Variants in KIF1B observed in about 807,000 individuals in gnomAD.
KIF1B encodes the protein kinesin family member 1B.
KIF1B carries 76 observed loss-of-function variants against 241.9 expected under a neutral mutation model. That is an observed-to-expected ratio of 0.31 (90% CI 0.26 to 0.38). The LOEUF (loss-of-function observed/expected upper bound fraction) is 0.38, where lower values mean the gene tolerates loss of function less well. KIF1B is among the 10% of genes least tolerant of loss of function. KIF1B has a pLI of 1.00. For missense variants in KIF1B, 1,622 were observed against 2,271.4 expected (o/e 0.71, Z 5.81); for synonymous variants, 750 against 796.7 (o/e 0.94, Z 0.99).
chr1:10,347,878 T>G (rs1265422026), intron 36 of KIF1B, 51 bp downstream of exon 36: 1 of 1,403,276 alleles, frequency 7.1e-7, no homozygotes, highest in South Asian at 1.2e-5. Flanking sequence ...GAAAAGAATT[T>G]AGAATAAGAG....
chr1:10,325,601 A>G (rs1651695175), intron 26 of KIF1B, among the ~76,000 whole-genome samples: 1 of 152,130 alleles, frequency 6.6e-6, no homozygotes, highest in African/African-American at 2.4e-5. Flanking sequence ...AATCTTTTCC[A>G]CTCTGCTCTG....
intron 37 of KIF1B, among the ~76,000 whole-genome samples, chr1:10,349,983 A>G (rs1037768436): frequency 2.0e-5 from 3 of 152,228 alleles, no homozygotes; most frequent in African/African-American, 7.2e-5. Context: ...ATTTCCAAGT[A>G]GTGATCAATG....
At chr1:10,224,694 G>T (rs1646888686) in intron 1 of KIF1B, among the ~76,000 whole-genome samples, 1 of 152,128 alleles carries the variant, frequency 6.6e-6, no homozygotes, top group Non-Finnish European at 1.5e-5. Context: ...AAAGTGTTGG[G>T]ATTATAGGCG....
chr1:10,376,569 G>A lies in KIF1B; in HGVS notation c.5433G>A (p.Pro1811=), dbSNP rs768290105. Residue 1811 remains proline (P), a synonymous_variant, in exon 49 of 49, where the codon CCG becomes CCA. Coordinates refer to ENST00000676179, the MANE Select transcript of KIF1B (RefSeq NM_001365951.3). ...TIRSKLSRRC[P]SQSKY is the part of the protein sequence containing the mutation. ...GGTCAAAGCTTTCCCGCAGATGCCC[G>A]AGCCAGTCGAAATACTAAGTGACTC... 5.6e-6 allele frequency: 9 copies of A among 1,614,018 alleles called. No individual in the cohort carries two copies. The South Asian group carries it at 6.6e-5, about 12-fold the overall frequency.
intron 38 of KIF1B, chr1:10,355,286 T>C (rs1434616886): frequency 6.6e-6 from 1 of 152,494 alleles, no homozygotes; most frequent in Non-Finnish European, 1.5e-5. Context: ...TTGTCTTCTT[T>C]ATATATATAT....
chr1:10,273,926 A>G (rs1388482243), intron 10 of KIF1B, among the ~76,000 whole-genome samples: 2 of 142,164 alleles, frequency 1.4e-5, no homozygotes, highest in African/African-American at 2.6e-5. Context: ...CTTTCTCCTT[A>G]GTAGCTTCTT....
intron 22 of KIF1B, chr1:10,308,739 C>A: frequency 1.6e-6 from 1 of 644,500 alleles, no homozygotes; most frequent in Non-Finnish European, 1.9e-6. Context: ...TCTATGTGAA[C>A]TTGATTAGTT....
chr1:10,234,272 A>G (rs1219046453), intron 2 of KIF1B, among the ~76,000 whole-genome samples: 1 of 150,300 alleles, frequency 6.7e-6, no homozygotes, highest in Non-Finnish European at 1.5e-5. Flanking sequence ...CAGTGGTGTG[A>G]TCTCGGCTCA....
At chr1:10,347,940 G>T in intron 36 of KIF1B, 113 bp downstream of exon 36, 1 of 938,746 alleles carries the variant, frequency 1.1e-6, no homozygotes, top group Non-Finnish European at 1.7e-6. Context: ...AGGGTGGGCG[G>T]GGCATTGTCC....
intron 1 of KIF1B, chr1:10,227,720 A>ATCGCTTGAACCCATGAGG (rs1553160616): frequency 1.9e-5 from 3 of 154,030 alleles, no homozygotes; most frequent in Non-Finnish European, 2.9e-5. Flanking sequence ...AGGTAGGAGA[A>ATCGCTTGAACCCATGAGG]TCGCTTGAAC....
rs1289105555 is a variant in KIF1B at position 10,371,212 on chromosome 1, C to T, written c.4896C>T (p.Ser1632=). 2.5e-6 allele frequency: 4 copies of T among 1,614,062 alleles called. No homozygotes were observed. Among genetic ancestry groups the T allele is most frequent in the Non-Finnish European group, 3.4e-6 (4 of 1,179,924 alleles). ...SSFSSATLTP[S]STCPSLVDSR... ...TCAGCAGTGCCACCCTCACTCCCTC[C>T]TCCACCTGTCCCTCTCTGGTAGACT... Residue 1632 remains serine, a synonymous_variant, in exon 45 of 49, where the codon TCC becomes TCT. Transcript: ENST00000676179.
intron 2 of KIF1B, among the ~76,000 whole-genome samples, chr1:10,254,029 A>C (rs904853275): frequency 1.3e-5 from 2 of 152,234 alleles, no homozygotes; most frequent in African/African-American, 4.8e-5. Flanking sequence ...TGGCCTTGCC[A>C]CATCTCAAAG....
rs1372496078 is a variant in KIF1B at position 10,336,758 on chromosome 1, G to A, written c.3129+16G>A. 6.3e-7 allele frequency: 1 copy of A among 1,592,702 alleles called. No homozygotes were observed. The highest frequency in any genetic ancestry group is 1.1e-5 in the South Asian group (1 of 90,610). On this transcript the variant is annotated intron_variant, in intron 29 of 48. Coordinates refer to ENST00000676179, the MANE Select transcript of KIF1B (RefSeq NM_001365951.3). The stretch of plus-strand genomic sequence containing the variant: ...CTTTAATCAGGTGAGAAACCGTCAG[G>A]AAGAAGGAAAACCCTGTGGAAAGAG...
chr1:10,294,093 C>T (rs1232100337), intron 17 of KIF1B, among the ~76,000 whole-genome samples: 2 of 152,178 alleles, frequency 1.3e-5, no homozygotes, highest in Non-Finnish European at 2.9e-5. Context: ...CCTTTTCCTA[C>T]CCCCTCATCT....
chr1:10,307,304 T>C (rs1274920255), intron 22 of KIF1B: 1 of 1,014,034 alleles, frequency 9.9e-7, no homozygotes, highest in African/African-American at 1.7e-5. Flanking sequence ...TATTACTTTG[T>C]TTTTTGTTTT....
chr1:10,268,966 C>G (rs1344515713), intron 7 of KIF1B, among the ~76,000 whole-genome samples: 3 of 152,116 alleles, frequency 2.0e-5, no homozygotes, highest in Non-Finnish European at 4.4e-5. Context: ...TAATGTCTGG[C>G]ACAGAGTAGC....
At position 10,238,739 on chromosome 1, in the gene KIF1B, A is replaced by C. The variant is rs566386453; in HGVS notation, c.106+6305A>C. 1.0e-4 allele frequency among the ~76,000 whole-genome samples: 15 copies of C among 150,088 alleles called. No individual in the cohort carries two copies. The South Asian group carries it at 1.5e-3, about 15-fold the overall frequency. Reference sequence around the variant, plus strand: ...ACAACAACAACAACAACAACAACAAAAAACACCAAAAGAAAGTAATGCATT... The same window carrying C: ...ACAACAACAACAACAACAACAACAACAAACACCAAAAGAAAGTAATGCATT... On this transcript the variant is annotated intron_variant, in intron 2 of 48. Coordinates refer to ENST00000676179, the MANE Select transcript of KIF1B (RefSeq NM_001365951.3).
chr1:10,296,058 A>G (rs1485234970), intron 19 of KIF1B, among the ~76,000 whole-genome samples: 1 of 152,230 alleles, frequency 6.6e-6, no homozygotes. Flanking sequence ...AATAGCAGAT[A>G]TCCTGGGTAA....
Position 10,326,023 on chromosome 1 carries a change from T to G in KIF1B, c.2676-88T>G. 1.3e-6 allele frequency: 2 copies of G among 1,525,878 alleles called. No homozygotes were observed. The highest frequency in any genetic ancestry group is 1.8e-6 in the Non-Finnish European group (2 of 1,106,404). The allele number at this position is 1,525,878 out of a possible 1,614,324, so 94.5% of individuals were successfully genotyped here. A position where few individuals can be genotyped will look rare whatever the true frequency, so the allele number is the denominator to read the frequency against. On this transcript the variant is annotated intron_variant, in intron 26 of 48. Transcript: ENST00000676179. The surrounding 1 kb of genome is among the most constrained non-coding windows in gnomAD (Gnocchi z 5.2). ...TTATTGTGTTGATTCCCCAGTGGATTCTGTCCTGTTAGCACCTATTGCTTC... is the reference window on the plus strand; with the variant it reads ...TTATTGTGTTGATTCCCCAGTGGATGCTGTCCTGTTAGCACCTATTGCTTC...
Sources: allele counts gnomAD v4.1 joint callset (sites outside exome capture counted in the v4.1 genomes callset), GRCh38; gene constraint gnomAD v4.1.1; non-coding constraint Gnocchi (gnomAD v3.1); transcripts MANE v1.5; gene names NCBI Gene and HGNC (gene_info 2026-07-23, HGNC 2026-07-21).